The following MIR2052HG variants were observed in gnomAD, a reference collection of about 807,000 sequenced individuals.
MIR2052HG encodes the protein MIR2052 host gene.
chr8:74,659,040 A>T (rs1223318333), intron 2 of MIR2052HG, among the ~76,000 whole-genome samples: 1 of 152,250 alleles, frequency 6.6e-6, no homozygotes, highest in Non-Finnish European at 1.5e-5. Flanking sequence ...ACAAAATTTT[A>T]TCAGGACTAG....
At chr8:74,722,132 A>G (rs1040190466) in intron 4 of MIR2052HG, among the ~76,000 whole-genome samples, 1 of 152,142 alleles carries the variant, frequency 6.6e-6, no homozygotes, top group Non-Finnish European at 1.5e-5. Context: ...AGCCATGATC[A>G]TGCCACTGCA....
At chr8:74,663,413 G>GT (rs796191305) in intron 2 of MIR2052HG, among the ~76,000 whole-genome samples, 7 of 152,282 alleles carry the variant, frequency 4.6e-5, no homozygotes, top group African/African-American at 1.7e-4. Flanking sequence ...TCCCAAATTT[G>GT]TAAGTCTATG....
At chr8:74,711,263 T>G (rs1809465425) in intron 4 of MIR2052HG, among the ~76,000 whole-genome samples, 1 of 152,168 alleles carries the variant, frequency 6.6e-6, no homozygotes, top group African/African-American at 2.4e-5. Context: ...TAATTAGATA[T>G]TCATGTAAGT....
intron 2 of MIR2052HG, among the ~76,000 whole-genome samples, chr8:74,619,585 A>G (rs1462291386): frequency 6.6e-6 from 1 of 152,188 alleles, no homozygotes; most frequent in Non-Finnish European, 1.5e-5. Context: ...CATTCTTCAC[A>G]GGGTGGCAGG....
At chr8:74,711,744 G>T (rs1471801284) in intron 4 of MIR2052HG, among the ~76,000 whole-genome samples, 2 of 152,178 alleles carry the variant, frequency 1.3e-5, no homozygotes, top group Non-Finnish European at 2.9e-5. Context: ...ATGGCTGGAT[G>T]TTATATGAAA....
chr8:74,742,775 A>G (rs1809843910), intron 4 of MIR2052HG, among the ~76,000 whole-genome samples: 1 of 152,108 alleles, frequency 6.6e-6, no homozygotes, highest in Non-Finnish European at 1.5e-5. Context: ...GGTTCTTTCA[A>G]TTTTATAGAC....
intron 4 of MIR2052HG, among the ~76,000 whole-genome samples, chr8:74,748,755 G>GA (rs1190335778): frequency 1.3e-5 from 2 of 152,102 alleles, no homozygotes. Flanking sequence ...AGGGATAAAG[G>GA]AAAAAATTCT....
At chr8:74,683,775 C>T (rs561195111) in intron 2 of MIR2052HG, among the ~76,000 whole-genome samples, 22 of 152,106 alleles carry the variant, frequency 1.4e-4, no homozygotes, top group Non-Finnish European at 2.8e-4. Flanking sequence ...TATAGGACTC[C>T]GATTGTGGCT....
intron 2 of MIR2052HG, among the ~76,000 whole-genome samples, chr8:74,687,202 T>C (rs1020076436): frequency 1.4e-4 from 21 of 152,150 alleles, no homozygotes; most frequent in Non-Finnish European, 2.6e-4. Flanking sequence ...ATATAAGTGT[T>C]GGTGGGGACT....
intron 4 of MIR2052HG, among the ~76,000 whole-genome samples, chr8:74,728,912 T>C (rs1298992550): frequency 6.6e-6 from 1 of 152,130 alleles, no homozygotes; most frequent in African/African-American, 2.4e-5. Context: ...TCATTCTTAC[T>C]ATATAGCATT....
At chr8:74,682,133 C>A (rs930971624) in intron 2 of MIR2052HG, among the ~76,000 whole-genome samples, 1 of 151,952 alleles carries the variant, frequency 6.6e-6, no homozygotes, top group African/African-American at 2.4e-5. Context: ...ATGTTGTACA[C>A]CTGAAATACA....
chr8:74,604,657 G>T (rs1808085193), intron 1 of MIR2052HG, among the ~76,000 whole-genome samples: 1 of 140,794 alleles, frequency 7.1e-6, no homozygotes, highest in South Asian at 2.3e-4. Flanking sequence ...GCAATGGCGC[G>T]ATCTTGGCTC....
At chr8:74,701,565 T>C (rs1178890258) in intron 2 of MIR2052HG, among the ~76,000 whole-genome samples, 4 of 152,196 alleles carry the variant, frequency 2.6e-5, no homozygotes, top group African/African-American at 9.6e-5. Flanking sequence ...AACTAGACTG[T>C]TCCTAGGTTA....
chr8:74,701,728 G>A (rs1809360062), intron 2 of MIR2052HG, among the ~76,000 whole-genome samples: 1 of 152,074 alleles, frequency 6.6e-6, no homozygotes, highest in South Asian at 2.1e-4. Flanking sequence ...AAATCAATTA[G>A]CCAAAGTCAG....
intron 2 of MIR2052HG, among the ~76,000 whole-genome samples, chr8:74,640,483 A>G (rs1429428065): frequency 6.6e-6 from 1 of 151,538 alleles, no homozygotes; most frequent in Non-Finnish European, 1.5e-5. Context: ...AAAAAAAAAA[A>G]AAAAAAGAGT....
At chr8:74,725,345 T>C (rs549122547) in intron 4 of MIR2052HG, among the ~76,000 whole-genome samples, 1 of 152,220 alleles carries the variant, frequency 6.6e-6, no homozygotes, top group Non-Finnish European at 1.5e-5. Context: ...GGTGGGCTCG[T>C]TCCTGCTCTT....
chr8:74,681,354 G>A (rs1394664714), intron 2 of MIR2052HG, among the ~76,000 whole-genome samples: 10 of 151,634 alleles, frequency 6.6e-5, no homozygotes. Flanking sequence ...TAGATGAAGA[G>A]GGTCTACAGG....
At chr8:74,663,729 T>C (rs1190740394) in intron 2 of MIR2052HG, among the ~76,000 whole-genome samples, 1 of 152,204 alleles carries the variant, frequency 6.6e-6, no homozygotes, top group Non-Finnish European at 1.5e-5. Context: ...ATGTATTCAG[T>C]GTTCTTTGAA....
At chr8:74,646,293 A>C (rs545335200) in intron 2 of MIR2052HG, among the ~76,000 whole-genome samples, 1 of 152,194 alleles carries the variant, frequency 6.6e-6, no homozygotes, top group East Asian at 1.9e-4. Context: ...CTCTGGCTGC[A>C]GTGTGAAGAG....
Sources: gnomAD v4.1 joint callset for allele counts (sites outside exome capture counted in the v4.1 genomes callset) on GRCh38, gnomAD v4.1.1 for gene constraint, MANE v1.5 for transcripts, NCBI Gene and HGNC (gene_info 2026-07-23, HGNC 2026-07-21) for gene names.